HHIPL1: variants seen among roughly 807,000 people sequenced by gnomAD.
HHIPL1 encodes HHIP like 1, also known as HHIP-like protein 1.
A neutral mutation model predicts 61.8 loss-of-function variants in HHIPL1; 43 were observed. The ratio of observed to expected loss-of-function variants is 0.70; its 90% confidence interval spans 0.55 to 0.90. HHIPL1 has a LOEUF of 0.90. HHIPL1 is among the 40% of genes least tolerant of loss of function. HHIPL1 has a pLI of 0.00. For missense variants in HHIPL1, 1,056 were observed against 1,157.7 expected, an observed-to-expected ratio of 0.91 and a Z score of 1.28; for synonymous variants, 482 against 515.8, an observed-to-expected ratio of 0.93 and a Z score of 0.89.
chr14:99,654,200 A>G (rs985539021), intron 2 of HHIPL1, among the ~76,000 whole-genome samples: 4 of 151,438 alleles, frequency 2.6e-5, no homozygotes, highest in East Asian at 1.9e-4. Context: ...AAAAAAAAAA[A>G]AAAAAAAAGA....
chr14:99,626,406 C>G, the HHIPL1 span, among the ~76,000 whole-genome samples: 1 of 152,204 alleles, frequency 6.6e-6, no homozygotes, highest in Non-Finnish European at 1.5e-5. Context: ...GTCCTGCCAG[C>G]CCGGACTGTG....
intron 6 of HHIPL1, among the ~76,000 whole-genome samples, chr14:99,665,958 T>C (rs2056238576): frequency 6.6e-6 from 1 of 151,804 alleles, no homozygotes. Context: ...ATTTTTGTAT[T>C]TTTAGTAGAG....
the HHIPL1 span, among the ~76,000 whole-genome samples, chr14:99,616,854 G>A: frequency 7.9e-5 from 12 of 152,210 alleles, no homozygotes; most frequent in Non-Finnish European, 1.6e-4. Context: ...CCCACAGGAA[G>A]GATCAGCCTT....
At position 99,675,883 on chromosome 14, in the gene HHIPL1, C is replaced by T; in HGVS notation, c.*257C>T. ...GGCGGGAGGAGTTCCTTTCTTACCT[C>T]CAAGCGTTTCAGACACCAGCAGGAA... On this transcript the variant is annotated 3_prime_UTR_variant, in exon 9 of 9. Coordinates refer to ENST00000330710, the MANE Select transcript of HHIPL1 (RefSeq NM_001127258.3). The surrounding 1 kb of genome is among the most constrained non-coding windows in gnomAD (Gnocchi z 5.4). The T allele has an allele frequency of 2.5e-6, 1 of 401,860 alleles. No homozygotes were observed. Among genetic ancestry groups the T allele is most frequent in the Admixed American group, 4.4e-5 (1 of 22,714 alleles). The allele number at this position is 401,860 out of a possible 1,614,324, so 24.9% of individuals were successfully genotyped here. A position where few individuals can be genotyped will look rare whatever the true frequency, so the allele number is the denominator to read the frequency against.
chr14:99,636,011 C>T, the HHIPL1 span, among the ~76,000 whole-genome samples: 1 of 152,172 alleles, frequency 6.6e-6, no homozygotes, highest in Admixed American at 6.5e-5. Flanking sequence ...CTGCCACCAA[C>T]TCCACTTGTG....
At chr14:99,661,341 A>G (rs958786599) in intron 5 of HHIPL1, among the ~76,000 whole-genome samples, 3 of 151,966 alleles carry the variant, frequency 2.0e-5, no homozygotes, top group African/African-American at 7.3e-5. Flanking sequence ...TAAGGACTGA[A>G]TCAGTTAATA....
rs756350999 is a variant in HHIPL1, at chr14:99,660,314, G to C, written c.1410G>C (p.Thr470=). The C allele has an allele frequency of 6.2e-7, 1 of 1,614,040 alleles. No individual in the cohort carries two copies. Among genetic ancestry groups the C allele is most frequent in the Non-Finnish European group, 8.5e-7 (1 of 1,180,002 alleles). Residue 470 remains threonine, a synonymous_variant, in exon 5 of 9, where the codon ACG becomes ACC. Coordinates refer to ENST00000330710, the MANE Select transcript of HHIPL1 (RefSeq NM_001127258.3). This position sits in a 1 kb window ranked among gnomAD's most constrained non-coding sequence, Gnocchi z 4.9. ...TGCCGATTTTCGCCTACCCGCACAC[G>C]GTTGGCAAGTCGGTCACAGGGGGCT... ...DLLPIFAYPH[T]VGKSVTGGYV...
chr14:99,665,734 C>T (rs549140028), intron 6 of HHIPL1, among the ~76,000 whole-genome samples: 28 of 151,970 alleles, frequency 1.8e-4, no homozygotes, highest in Middle Eastern at 3.4e-3. Context: ...ATATCTGACC[C>T]AGATAATTTC....
rs766912759 is a variant in HHIPL1 at position 99,652,848 on chromosome 14, G to A, written c.880G>A (p.Ala294Thr). 38 of 1,613,708 alleles carry A rather than the reference G, an allele frequency of 2.4e-5. 1 individual carries two copies. The highest frequency in any genetic ancestry group is 1.6e-4 in the Middle Eastern group (1 of 6,084). ...EFRVSEDDEN[A>T]VDHSSERIIL... ...CAGAGTCTCCGAGGATGACGAGAACGCCGTGGACCACAGCTCTGAGAGGTG... is the reference window on the plus strand; with the variant it reads ...CAGAGTCTCCGAGGATGACGAGAACACCGTGGACCACAGCTCTGAGAGGTG... Residue 294 changes from alanine (A) to threonine (T), a missense_variant, in exon 2 of 9, where the codon GCC (alanine) becomes ACC (threonine). Transcript: ENST00000330710.
Position 99,676,430 on chromosome 14 carries a change from C to G in HHIPL1, c.*804C>G, listed in dbSNP as rs887873554. On this transcript the variant is annotated 3_prime_UTR_variant, in exon 9 of 9. Coordinates refer to ENST00000330710, the MANE Select transcript of HHIPL1 (RefSeq NM_001127258.3). ...TCTTGCTCTTGGGGCAGAAGCCACC[C>G]ACACTAGCTGGGCAGAGCTTTCACC... The G allele has an allele frequency of 1.3e-5, 2 of 152,378 alleles. No individual in the cohort carries two copies. The highest frequency in any genetic ancestry group is 4.8e-5 in the African/African-American group (2 of 41,450). The allele number at this position is 152,378 out of a possible 1,614,324, so 9.4% of individuals were successfully genotyped here.
chr14:99,635,349 G>A, the HHIPL1 span, among the ~76,000 whole-genome samples: 1 of 152,074 alleles, frequency 6.6e-6, no homozygotes, highest in African/African-American at 2.4e-5. Context: ...CACAGTGTAG[G>A]GAGTGCCCTG....
the HHIPL1 span, among the ~76,000 whole-genome samples, chr14:99,628,126 G>A: frequency 6.6e-6 from 1 of 152,336 alleles, no homozygotes; most frequent in African/African-American, 2.4e-5. Context: ...GGTGAGACCT[G>A]CCAAGGTCCT....
the HHIPL1 span, among the ~76,000 whole-genome samples, chr14:99,606,494 A>AGTTGGTGG: frequency 3.9e-5 from 6 of 152,226 alleles, no homozygotes; most frequent in Non-Finnish European, 8.8e-5. Flanking sequence ...TCACCAGGGA[A>AGTTGGTGG]GTTGCTGAGA....
rs746232932 is a variant in HHIPL1, at chr14:99,652,611, G to A, written c.643G>A (p.Val215Met). ...CCACCGCTTCTTCGTGGCCGAGCAG[G>A]TGGGGCTGGTGTGGGCCTACCTGCC... Reference protein sequence around the residue: ...GTHRFFVAEQVGLVWAYLPDR... With the variant: ...GTHRFFVAEQMGLVWAYLPDR... Residue 215 changes from valine (V) to methionine (M), a missense_variant, in exon 2 of 9, where the codon GTG becomes ATG. Transcript: ENST00000330710. The A allele has an allele frequency of 1.2e-6, 2 of 1,613,332 alleles. No homozygotes were observed. The highest frequency in any genetic ancestry group is 1.7e-6 in the Non-Finnish European group (2 of 1,179,842).
intron 8 of HHIPL1, among the ~76,000 whole-genome samples, chr14:99,672,679 AAG>A (rs1020254384): frequency 3.4e-4 from 52 of 152,230 alleles, no homozygotes; most frequent in Non-Finnish European, 4.3e-4. Context: ...GGGACAGAGA[AAG>A]AGGATGTATC....
At chr14:99,659,384 C>T (rs7145262) in intron 3 of HHIPL1, 44 bp from the exon 4 acceptor site, 559,569 of 1,371,128 alleles carry the variant, frequency 0.41, 116,366 homozygotes, top group South Asian at 0.46. Flanking sequence ...TGAGCCCTGG[C>T]TCAGGGCGAC....
Position 99,677,399 on chromosome 14 carries a change from C to T in HHIPL1, c.*1773C>T, listed in dbSNP as rs2056402066. On this transcript the variant is annotated 3_prime_UTR_variant, in exon 9 of 9. Transcript: ENST00000330710. This position sits in a 1 kb window ranked among gnomAD's most constrained non-coding sequence, Gnocchi z 4.3. Reference sequence around the variant, plus strand: ...CAGCTGATGGAGATCCCTGGGGGCTCCTCTTGCCTGGCAGGTGCCCCCGCT... The same window carrying T: ...CAGCTGATGGAGATCCCTGGGGGCTTCTCTTGCCTGGCAGGTGCCCCCGCT... 1 of 152,312 alleles carries T rather than the reference C, an allele frequency of 6.6e-6. No homozygotes were observed. The highest frequency in any genetic ancestry group is 2.4e-5 in the African/African-American group (1 of 41,458). The allele number at this position is 152,312 out of a possible 1,614,324, so 9.4% of individuals were successfully genotyped here.
chr14:99,659,309 C>G (rs1440270868), intron 3 of HHIPL1, 119 bp from the exon 4 acceptor site: 7 of 756,122 alleles, frequency 9.3e-6, no homozygotes, highest in African/African-American at 1.9e-5. Flanking sequence ...GCCCCACAGC[C>G]TAGGCTCACC....
intron 6 of HHIPL1, among the ~76,000 whole-genome samples, chr14:99,665,921 A>G (rs765476667): frequency 1.3e-5 from 2 of 152,078 alleles, no homozygotes; most frequent in African/African-American, 2.4e-5. Context: ...AGCTAGGACT[A>G]TAGGTGCGCA....
Sources: gnomAD v4.1 joint callset for allele counts (sites outside exome capture counted in the v4.1 genomes callset) on GRCh38, gnomAD v4.1.1 for gene constraint, Gnocchi (gnomAD v3.1) non-coding constraint, MANE v1.5 for transcripts, NCBI Gene and HGNC (gene_info 2026-07-23, HGNC 2026-07-21) for gene names.